The following NCOA2 variants were observed in gnomAD, a reference collection of about 807,000 sequenced individuals.
The protein encoded by NCOA2 is nuclear receptor coactivator 2, also known as class E basic helix-loop-helix protein 75.
Under a neutral mutation model 145.1 loss-of-function variants are expected in NCOA2, and 21 were observed. That is an observed-to-expected ratio of 0.14 (90% CI 0.10 to 0.21). The LOEUF (loss-of-function observed/expected upper bound fraction) is 0.21, where lower values mean the gene tolerates loss of function less well. Ranked by LOEUF, NCOA2 falls within the 10% of genes least tolerant of loss-of-function variation. NCOA2 has a pLI of 1.00. For synonymous variants in NCOA2, 619 were observed against 637.5 expected (o/e 0.97, Z 0.44); for missense variants, 1,472 against 1,837.6 (o/e 0.80, Z 3.64).
chr8:70,292,520 C>T (rs1452218991), intron 2 of NCOA2, among the ~76,000 whole-genome samples: 1 of 146,792 alleles, frequency 6.8e-6, no homozygotes, highest in Non-Finnish European at 1.5e-5. Context: ...CACTGCACTC[C>T]AGCCTGGGCA....
In NCOA2 at chr8:70,159,222, T is replaced by TTATATATA. The variant is rs6150644; in HGVS notation, c.1124+275_1124+282dup. Among the ~76,000 whole-genome samples the TTATATATA allele has an allele frequency of 3.9e-3, 175 of 44,486 alleles. 3 individuals are homozygous for TTATATATA. The highest frequency in any genetic ancestry group is 0.011 in the African/African-American group (164 of 14,964). The allele number at this position is 44,486 out of a possible 152,430, so 29.2% of individuals were successfully genotyped here. A position where few individuals can be genotyped will look rare whatever the true frequency, so the allele number is the denominator to read the frequency against. On this transcript the variant is annotated intron_variant, in intron 10 of 22. Coordinates refer to ENST00000452400, the MANE Select transcript of NCOA2 (RefSeq NM_006540.4). ...ATAATACAAATAATACAGTATAACATTATATATATATATATATATATTTTT... is the reference window on the plus strand; with the variant it reads ...ATAATACAAATAATACAGTATAACATTATATATATATATATATATATATATATATTTTT...
chr8:70,211,007 G>A (rs902688501), intron 4 of NCOA2, among the ~76,000 whole-genome samples: 8 of 152,194 alleles, frequency 5.3e-5, no homozygotes, highest in African/African-American at 1.9e-4. Context: ...AGTTGGGGTT[G>A]GGGGAAGACA....
chr8:70,428,642 C>T, the NCOA2 span, among the ~76,000 whole-genome samples: 1 of 152,012 alleles, frequency 6.6e-6, no homozygotes. Flanking sequence ...ATAAAAATAA[C>T]TTGCTGTTAT....
intron 1 of NCOA2, among the ~76,000 whole-genome samples, chr8:70,325,312 A>C (rs1420965565): frequency 6.6e-6 from 1 of 152,236 alleles, no homozygotes; most frequent in Non-Finnish European, 1.5e-5. Flanking sequence ...GAAAAGTAGT[A>C]ACAATTTATA....
At chr8:70,339,247 C>CAAAA (rs1343352902) in intron 1 of NCOA2, among the ~76,000 whole-genome samples, 1 of 151,462 alleles carries the variant, frequency 6.6e-6, no homozygotes, top group Admixed American at 6.6e-5. Context: ...TCTCAGGATA[C>CAAAA]ATCAATGTGC....
At chr8:70,258,518 T>G (rs979761441) in intron 2 of NCOA2, among the ~76,000 whole-genome samples, 11 of 152,350 alleles carry the variant, frequency 7.2e-5, no homozygotes, top group Middle Eastern at 6.8e-3. Flanking sequence ...CTACTTTTCA[T>G]AAGTCACCAG....
At chr8:70,375,607 A>G (rs1405423069) in intron 1 of NCOA2, among the ~76,000 whole-genome samples, 1 of 152,244 alleles carries the variant, frequency 6.6e-6, no homozygotes, top group African/African-American at 2.4e-5. Context: ...GGTCACTGTA[A>G]TGTTGCTACT....
intron 1 of NCOA2, among the ~76,000 whole-genome samples, chr8:70,378,520 G>T (rs1811887192): frequency 6.6e-6 from 1 of 151,930 alleles, no homozygotes; most frequent in Non-Finnish European, 1.5e-5. Flanking sequence ...TTTCTTCAAG[G>T]GAGATGGTTT....
At chr8:70,215,903 A>C (rs1470515718) in intron 3 of NCOA2, among the ~76,000 whole-genome samples, 1 of 152,178 alleles carries the variant, frequency 6.6e-6, no homozygotes, top group Non-Finnish European at 1.5e-5. Context: ...TGTCTGTAAC[A>C]ATATTCTTAA....
chr8:70,150,075 G>A (rs1563527459), intron 11 of NCOA2, among the ~76,000 whole-genome samples: 1 of 152,210 alleles, frequency 6.6e-6, no homozygotes, highest in Admixed American at 6.5e-5. Context: ...AGGAAGAATA[G>A]AATGAAGTGA....
chr8:70,327,488 G>A (rs1437636959), intron 1 of NCOA2, among the ~76,000 whole-genome samples: 7 of 152,138 alleles, frequency 4.6e-5, no homozygotes, highest in Non-Finnish European at 8.8e-5. Flanking sequence ...CTGTTTCAAA[G>A]ACATTTATTT....
In NCOA2 at chr8:70,141,160, C is replaced by T. The variant is rs751458832; in HGVS notation, c.3028+24G>A. The T allele has an allele frequency of 3.2e-5, 52 of 1,605,196 alleles. No individual in the cohort carries two copies. The African/African-American group carries it at 5.1e-4, about 16-fold the overall frequency. Reference sequence around the variant, plus strand: ...TCTAAGAGAGCATAAAAGTTAAAAGCAAACAGCACTAGAGCCACCTTACCT... The same window carrying T: ...TCTAAGAGAGCATAAAAGTTAAAAGTAAACAGCACTAGAGCCACCTTACCT... On this transcript the variant is annotated intron_variant, in intron 14 of 22. Transcript: ENST00000452400.
rs370884707 is a variant in NCOA2, at chr8:70,111,398, C to T, written c.*2234G>A. ...ATTCACATATTTCTGAACATTAAAA[C>T]TGGTCACACTGAATTGTATGCCACA... On this transcript the variant is annotated 3_prime_UTR_variant, in exon 23 of 23. Coordinates refer to ENST00000452400, the MANE Select transcript of NCOA2 (RefSeq NM_006540.4). 11 of 221,954 alleles carry T rather than the reference C, an allele frequency of 5.0e-5. No individual in the cohort carries two copies. In the East Asian group the frequency reaches 6.6e-4, roughly 13 times the overall value. 13.7% of individuals were successfully genotyped at this position (221,954 alleles called of 1,614,324 possible). A position where few individuals can be genotyped will look rare whatever the true frequency, so the allele number is the denominator to read the frequency against.
intron 1 of NCOA2, among the ~76,000 whole-genome samples, chr8:70,317,400 G>A (rs1805679731): frequency 6.6e-6 from 1 of 152,172 alleles, no homozygotes. Context: ...CCTTCAGGAA[G>A]TATCTGCACA....
intron 13 of NCOA2, 21 bp from the exon 14 acceptor site, chr8:70,141,420 A>G (rs957349316): frequency 1.2e-5 from 19 of 1,601,776 alleles, no homozygotes; most frequent in East Asian, 2.2e-5. Context: ...GCCAAAGAAA[A>G]CTGAGAGATG....
At chr8:70,190,638 G>A (rs1183987385) in intron 4 of NCOA2, among the ~76,000 whole-genome samples, 1 of 152,188 alleles carries the variant, frequency 6.6e-6, no homozygotes, top group Non-Finnish European at 1.5e-5. Flanking sequence ...GATCCCCTGA[G>A]GTCAGGAGTT....
intron 22 of NCOA2, among the ~76,000 whole-genome samples, chr8:70,120,543 A>C (rs1401156744): frequency 1.3e-5 from 2 of 152,164 alleles, no homozygotes; most frequent in South Asian, 2.1e-4. Context: ...CAACATGGTG[A>C]AACCCCATCT....
At chr8:70,200,679 A>T (rs1817788590) in intron 4 of NCOA2, among the ~76,000 whole-genome samples, 1 of 152,192 alleles carries the variant, frequency 6.6e-6, no homozygotes, top group South Asian at 2.1e-4. Context: ...CAGAAGGGCA[A>T]ATATTACATG....
intron 1 of NCOA2, among the ~76,000 whole-genome samples, chr8:70,336,434 T>C (rs758544240): frequency 1.3e-5 from 2 of 152,182 alleles, no homozygotes; most frequent in East Asian, 1.9e-4. Flanking sequence ...TTTAATTATA[T>C]GTACGTATTA....
Sources: allele counts gnomAD v4.1 joint callset (sites outside exome capture counted in the v4.1 genomes callset), GRCh38; gene constraint gnomAD v4.1.1; transcripts MANE v1.5; gene names NCBI Gene and HGNC (gene_info 2026-07-23, HGNC 2026-07-21).